The following ELP1 variants were observed in gnomAD, a reference collection of about 807,000 sequenced individuals.
ELP1 encodes the protein elongator acetyltransferase complex subunit 1.
ELP1 carries 131 observed loss-of-function variants against 183.2 expected under a neutral mutation model. That is an observed-to-expected ratio of 0.72 (90% CI 0.62 to 0.83). The LOEUF (loss-of-function observed/expected upper bound fraction) is 0.83, where lower values mean the gene tolerates loss of function less well. Ranked by LOEUF, ELP1 falls within the 40% of genes least tolerant of loss-of-function variation. The probability of loss-of-function intolerance (pLI) is 0.00; values close to 1 mark genes in which losing one functional copy is unlikely to be tolerated. For missense variants in ELP1, 1,550 were observed against 1,594.9 expected (o/e 0.97, Z 0.48); for synonymous variants, 555 against 569.0 (o/e 0.98, Z 0.35).
chr9:108,929,899 A>C lies in ELP1; in HGVS notation c.173T>G (p.Val58Gly), dbSNP rs1329107856. The change falls in exon 3 of 37, where the codon GTG becomes GGG. Residue 58 changes from valine to glycine, a missense_variant. By Grantham distance (109) the Val-to-Gly change is moderately radical. Transcript: ENST00000374647. The part of the protein sequence containing the change: ...SREVKNEVSL[V>G]AEGFLPEDGS... The stretch of plus-strand genomic sequence containing the variant: ...ATCCTCTGGGAGAAAGCCTTCTGCC[A>C]CCAAAGAAACTTCATTTTTCACCTT... 5 of 1,613,718 alleles carry C rather than the reference A, an allele frequency of 3.1e-6. No homozygotes were observed. The East Asian group carries it at 1.1e-4, about 36-fold the overall frequency.
At position 108,898,618 on chromosome 9, in the gene ELP1, A is replaced by G. The variant is rs1191834483; in HGVS notation, c.2284-37T>C. 3 of 1,600,394 alleles carry G rather than the reference A, an allele frequency of 1.9e-6. No homozygotes were observed. The South Asian group carries it at 3.3e-5, about 18-fold the overall frequency. ...AGGACAAAACATCTTCGTTCAGATC[A>G]TATTAGTTTAAGTACAAAGTAAGCT... On this transcript the variant is annotated intron_variant, in intron 21 of 36. Coordinates refer to ENST00000374647, the MANE Select transcript of ELP1 (RefSeq NM_003640.5).
chr9:108,898,339 A>G (rs1028241808), intron 22 of ELP1, among the ~76,000 whole-genome samples, 163 bp downstream of exon 22: 3 of 152,356 alleles, frequency 2.0e-5, no homozygotes, highest in Non-Finnish European at 2.9e-5. Flanking sequence ...TGTTTTAAAA[A>G]GAACGGAAAA....
At chr9:108,875,765 A>G in intron 35 of ELP1, 1 of 408,318 alleles carries the variant, frequency 2.4e-6, no homozygotes. Flanking sequence ...TTAGCTGGGC[A>G]TGGTGGTGTG....
At chr9:108,892,194 C>T (rs1340061448) in intron 27 of ELP1, among the ~76,000 whole-genome samples, 7 of 152,096 alleles carry the variant, frequency 4.6e-5, no homozygotes. Flanking sequence ...CAGTGTTTGG[C>T]GCCTGGTCCA....
chr9:108,901,803 A>C, intron 16 of ELP1, 122 bp from the exon 17 acceptor site: 1 of 931,528 alleles, frequency 1.1e-6, no homozygotes, highest in South Asian at 1.4e-5. Flanking sequence ...ATCAGGACTA[A>C]AGATAGATAC....
chr9:108,872,753 C>T (rs1200913505), intron 36 of ELP1, among the ~76,000 whole-genome samples: 1 of 123,222 alleles, frequency 8.1e-6, no homozygotes, highest in Non-Finnish European at 1.6e-5. Context: ...TGCAGTGAGC[C>T]GAGATTGCGC....
At chr9:108,915,156 T>C (rs1829385680) in intron 10 of ELP1, among the ~76,000 whole-genome samples, 1 of 152,224 alleles carries the variant, frequency 6.6e-6, no homozygotes, top group Non-Finnish European at 1.5e-5. Context: ...ACGCTTAATC[T>C]AAATCTTCTT....
chr9:108,916,951 AC>A (rs1212643985), intron 9 of ELP1, among the ~76,000 whole-genome samples: 7 of 152,320 alleles, frequency 4.6e-5, no homozygotes, highest in South Asian at 2.1e-4. Flanking sequence ...TAAATGAAAA[AC>A]ATCTTCATTA....
intron 36 of ELP1, among the ~76,000 whole-genome samples, chr9:108,869,852 A>G (rs1013015390): frequency 3.3e-5 from 5 of 152,234 alleles, no homozygotes; most frequent in Non-Finnish European, 7.3e-5. Flanking sequence ...AGCATTATTT[A>G]TGATAAACTT....
chr9:108,875,812 G>T, intron 35 of ELP1: 1 of 337,364 alleles, frequency 3.0e-6, no homozygotes, highest in Non-Finnish European at 5.8e-6. Context: ...ACTGCGGTGG[G>T]AGGACTGCTT....
At chr9:108,871,319 T>C (rs1827449782) in intron 36 of ELP1, among the ~76,000 whole-genome samples, 1 of 152,168 alleles carries the variant, frequency 6.6e-6, no homozygotes, top group Non-Finnish European at 1.5e-5. Context: ...CACTTCAATG[T>C]CTTCGGTGTT....
chr9:108,918,990 C>A, intron 7 of ELP1, 89 bp from the exon 8 acceptor site: 1 of 978,012 alleles, frequency 1.0e-6, no homozygotes, highest in Non-Finnish European at 1.6e-6. Flanking sequence ...ACCTTCCTTA[C>A]AAATAAAAAC....
intron 24 of ELP1, 28 bp from the exon 25 acceptor site, chr9:108,896,672 A>T (rs554396460): frequency 6.2e-7 from 1 of 1,611,506 alleles, no homozygotes; most frequent in East Asian, 2.2e-5. Context: ...ACAAAACAGA[A>T]CACAATCATT....
chr9:108,930,603 T>C (rs1213033352), intron 2 of ELP1, among the ~76,000 whole-genome samples: 1 of 144,870 alleles, frequency 6.9e-6, no homozygotes, highest in African/African-American at 2.6e-5. Context: ...GGCAGGAGAA[T>C]GGTGTGAACC....
chr9:108,907,364 T>C (rs1040061774), intron 13 of ELP1, among the ~76,000 whole-genome samples: 5 of 152,204 alleles, frequency 3.3e-5, no homozygotes, highest in Admixed American at 6.5e-5. Flanking sequence ...ATCTCTACTC[T>C]AGTGGTTTCA....
chr9:108,911,099 A>T lies in ELP1; in HGVS notation c.1271T>A (p.Val424Glu), dbSNP rs1464125669. 9 of 1,614,138 alleles carry T rather than the reference A, an allele frequency of 5.6e-6. No homozygotes were observed. Among genetic ancestry groups the T allele is most frequent in the Non-Finnish European group, 6.8e-6 (8 of 1,179,982 alleles). ...CTYQLLFPHP[V>E]NQVTFLAHPQ... ...GTGTGCTAAGAATGTGACTTGATTCACAGGGTGTGGGAACAGCAGTTGGTA... is the reference window on the plus strand; with the variant it reads ...GTGTGCTAAGAATGTGACTTGATTCTCAGGGTGTGGGAACAGCAGTTGGTA... Residue 424 changes from valine (V) to glutamate (E), a missense_variant, in exon 12 of 37, where the codon GTG becomes GAG. By Grantham distance (121) the Val-to-Glu change is moderately radical (BLOSUM62 -2). Transcript: ENST00000374647.
In ELP1 at chr9:108,867,786, A is replaced by G. The variant is rs936677116; in HGVS notation, c.*1329T>C. On this transcript the variant is annotated 3_prime_UTR_variant, in exon 37 of 37. Coordinates refer to ENST00000374647, the MANE Select transcript of ELP1 (RefSeq NM_003640.5). The stretch of plus-strand genomic sequence containing the variant: ...TATGAGATTGTGAAAATGTTCAAAC[A>G]TACAGAAAAGTTGAATTTTACAGTG... 2 of 152,246 alleles carry G rather than the reference A, an allele frequency of 1.3e-5. No homozygotes were observed. Among genetic ancestry groups the G allele is most frequent in the African/African-American group, 4.8e-5 (2 of 41,460 alleles). 9.4% of individuals were successfully genotyped at this position (152,246 alleles called of 1,614,324 possible).
intron 31 of ELP1, 132 bp from the exon 32 acceptor site, chr9:108,880,297 CT>C: frequency 1.4e-6 from 1 of 689,674 alleles, no homozygotes; most frequent in Non-Finnish European, 2.6e-6. Context: ...CAAGCGAGCT[CT>C]TTTTCCTTAA....
Position 108,900,331 on chromosome 9 carries a change from C to T in ELP1, c.2059G>A (p.Val687Ile), listed in dbSNP as rs1428069735. 1 of 1,614,232 alleles carries T rather than the reference C, an allele frequency of 6.2e-7. No individual in the cohort carries two copies. The highest frequency in any genetic ancestry group is 1.3e-5 in the African/African-American group (1 of 75,068). The change falls in exon 19 of 37, where the codon GTT (valine) becomes ATT (isoleucine). Residue 687 changes from valine to isoleucine, a missense_variant. Transcript: ENST00000374647. ...LSSNHVSHGE[V>I]LRKVERGSRI... ...GAACCCCTCTCCACTTTCCGCAGAACTTCCCCATGGGACACATGATTGCTG... is the reference window on the plus strand; with the variant it reads ...GAACCCCTCTCCACTTTCCGCAGAATTTCCCCATGGGACACATGATTGCTG...
Sources: gnomAD v4.1 joint callset for allele counts (sites outside exome capture counted in the v4.1 genomes callset) on GRCh38, gnomAD v4.1.1 for gene constraint, MANE v1.5 for transcripts, NCBI Gene and HGNC (gene_info 2026-07-23, HGNC 2026-07-21) for gene names.